GPC6: variants seen among roughly 807,000 people sequenced by gnomAD.
GPC6 encodes glypican 6, also known as glypican-6.
A neutral mutation model predicts 55.2 loss-of-function variants in GPC6; 14 were observed. That is an observed-to-expected ratio of 0.25 (90% CI 0.17 to 0.40). The LOEUF (loss-of-function observed/expected upper bound fraction) is 0.40, where lower values mean the gene tolerates loss of function less well. GPC6 is among the 10% of genes least tolerant of loss of function. GPC6 has a pLI of 1.00. For synonymous variants in GPC6, 278 were observed against 259.6 expected (o/e 1.07, Z -0.68); for missense variants, 641 against 708.5 (o/e 0.90, Z 1.08).
At chr13:93,741,031 A>C (rs1185335011) in intron 2 of GPC6, among the ~76,000 whole-genome samples, 2 of 152,086 alleles carry the variant, frequency 1.3e-5, no homozygotes, top group African/African-American at 4.8e-5. Context: ...ATTATTGAAG[A>C]AACCAAATAA....
At chr13:93,230,336 G>A (rs573167756) in intron 1 of GPC6, among the ~76,000 whole-genome samples, 13 of 152,242 alleles carry the variant, frequency 8.5e-5, no homozygotes, top group Admixed American at 1.3e-4. Context: ...GGATAGAATG[G>A]AAACCCAACA....
intron 2 of GPC6, among the ~76,000 whole-genome samples, chr13:93,620,189 C>A (rs977540798): frequency 2.0e-5 from 3 of 152,130 alleles, no homozygotes; most frequent in Non-Finnish European, 4.4e-5. Flanking sequence ...ATATTGCATT[C>A]ATAATCTTAA....
intron 3 of GPC6, among the ~76,000 whole-genome samples, chr13:93,877,841 T>A (rs1874688255): frequency 1.3e-5 from 2 of 152,068 alleles, no homozygotes; most frequent in Admixed American, 1.3e-4. Context: ...TTTCGTTGAT[T>A]ACATTGGTGG....
chr13:93,467,615 C>G (rs908667073), intron 1 of GPC6, among the ~76,000 whole-genome samples: 44 of 123,736 alleles, frequency 3.6e-4, no homozygotes, highest in Non-Finnish European at 5.7e-4. Flanking sequence ...ATGGTCTCAT[C>G]CTGTCACCCA....
At chr13:94,243,309 T>C (rs897870117) in intron 4 of GPC6, among the ~76,000 whole-genome samples, 7 of 152,068 alleles carry the variant, frequency 4.6e-5, no homozygotes, top group Admixed American at 2.6e-4. Context: ...TTATGTACAT[T>C]CTCAGGGAAA....
intron 4 of GPC6, among the ~76,000 whole-genome samples, chr13:94,277,209 A>G (rs949284541): frequency 1.3e-5 from 2 of 150,806 alleles, no homozygotes; most frequent in Non-Finnish European, 3.0e-5. Context: ...TTTTTTTCAT[A>G]TGTTTGTTGT....
chr13:93,450,987 G>A (rs553258297), intron 1 of GPC6, among the ~76,000 whole-genome samples: 1 of 152,290 alleles, frequency 6.6e-6, no homozygotes, highest in African/African-American at 2.4e-5. Flanking sequence ...AAGCTTGAAG[G>A]GATGGTGGTC....
chr13:93,322,550 C>T (rs1879492657), intron 1 of GPC6, among the ~76,000 whole-genome samples: 2 of 149,306 alleles, frequency 1.3e-5, no homozygotes, highest in African/African-American at 4.9e-5. Flanking sequence ...GATTCTCCTG[C>T]CTCAGCCTTC....
intron 2 of GPC6, among the ~76,000 whole-genome samples, chr13:93,748,145 A>G (rs1337561199): frequency 2.6e-5 from 4 of 152,170 alleles, no homozygotes; most frequent in Non-Finnish European, 5.9e-5. Context: ...GTTTTGCTCA[A>G]TATTACCAAC....
chr13:93,219,159 TCTC>T, the GPC6 span, among the ~76,000 whole-genome samples: 1 of 151,650 alleles, frequency 6.6e-6, no homozygotes, highest in Non-Finnish European at 1.5e-5. Flanking sequence ...AGTGGTATGA[TCTC>T]AGCTCACTGC....
intron 2 of GPC6, among the ~76,000 whole-genome samples, chr13:93,813,172 G>A (rs1345044484): frequency 2.0e-5 from 3 of 152,080 alleles, no homozygotes; most frequent in Admixed American, 2.0e-4. Context: ...TATATTACCA[G>A]ATAAATGAAA....
intron 4 of GPC6, among the ~76,000 whole-genome samples, chr13:94,029,835 G>C (rs1040834447): frequency 2.3e-4 from 35 of 152,218 alleles, no homozygotes; most frequent in Admixed American, 2.1e-3. Flanking sequence ...TTATGCTTTC[G>C]ATCAATTGAG....
At chr13:93,991,504 A>G (rs951630012) in intron 3 of GPC6, among the ~76,000 whole-genome samples, 4 of 152,222 alleles carry the variant, frequency 2.6e-5, no homozygotes, top group African/African-American at 4.8e-5. Flanking sequence ...TTCCAATTGT[A>G]TATCAACAAA....
At chr13:93,415,694 A>G (rs1328439379) in intron 1 of GPC6, among the ~76,000 whole-genome samples, 1 of 152,102 alleles carries the variant, frequency 6.6e-6, no homozygotes, top group African/African-American at 2.4e-5. Context: ...GGCCAGTTTA[A>G]TAGGTGAGAA....
At chr13:93,655,982 T>C (rs950505280) in intron 2 of GPC6, among the ~76,000 whole-genome samples, 13 of 152,324 alleles carry the variant, frequency 8.5e-5, no homozygotes, top group Admixed American at 6.5e-4. Context: ...GTATTGCTAA[T>C]ATTCATATCC....
At chr13:93,329,768 A>C (rs990807855) in intron 1 of GPC6, among the ~76,000 whole-genome samples, 1 of 152,154 alleles carries the variant, frequency 6.6e-6, no homozygotes, top group Non-Finnish European at 1.5e-5. Context: ...TGTGTCCATC[A>C]AACATCATGG....
intron 3 of GPC6, among the ~76,000 whole-genome samples, chr13:94,021,827 A>T (rs1163875898): frequency 1.3e-5 from 2 of 152,124 alleles, no homozygotes; most frequent in African/African-American, 4.8e-5. Context: ...TCCAAGATGT[A>T]ATGAATTCTT....
At chr13:94,019,227 T>A (rs918546439) in intron 3 of GPC6, among the ~76,000 whole-genome samples, 41 of 152,206 alleles carry the variant, frequency 2.7e-4, no homozygotes, top group Non-Finnish European at 1.2e-4. Context: ...TATTACTGAC[T>A]CCATGTCTTT....
At chr13:93,456,122 T>G (rs1878444176) in intron 1 of GPC6, among the ~76,000 whole-genome samples, 1 of 152,186 alleles carries the variant, frequency 6.6e-6, no homozygotes, top group Non-Finnish European at 1.5e-5. Flanking sequence ...GTCTTGACTT[T>G]CTCTGCACCT....
Sources: allele counts gnomAD v4.1 joint callset (sites outside exome capture counted in the v4.1 genomes callset), GRCh38; gene constraint gnomAD v4.1.1; transcripts MANE v1.5; gene names NCBI Gene and HGNC (gene_info 2026-07-23, HGNC 2026-07-21).